EIF3F: variants seen among roughly 807,000 people sequenced by gnomAD.
EIF3F encodes deubiquitinating enzyme eIF3f.
A neutral mutation model predicts 36.0 loss-of-function variants in EIF3F; 8 were observed. The observed-to-expected ratio is 0.22, with a 90% CI of 0.13 to 0.40. The LOEUF (loss-of-function observed/expected upper bound fraction) is 0.40. Ranked by LOEUF, EIF3F falls within the 10% of genes least tolerant of loss-of-function variation. The pLI is 1.00. For synonymous variants in EIF3F, 184 were observed against 188.5 expected, an observed-to-expected ratio of 0.98 and a Z score of 0.19; for missense variants, 430 against 467.6, an observed-to-expected ratio of 0.92 and a Z score of 0.74.
Position 7,994,525 on chromosome 11 carries a change from A to G in EIF3F, c.745+8A>G. Reference sequence around the variant, plus strand: ...ACACTGAACGCATCGGAGGTGAGTAACCTTTCCATACACTCGCGAGAGGCC... The same window carrying G: ...ACACTGAACGCATCGGAGGTGAGTAGCCTTTCCATACACTCGCGAGAGGCC... On this transcript the variant is annotated splice_region_variant and intron_variant, in intron 5 of 7. Coordinates refer to ENST00000651655, the MANE Select transcript of EIF3F (RefSeq NM_003754.3). 1 of 1,611,786 alleles carries G rather than the reference A, an allele frequency of 6.2e-7. No homozygotes were observed.
chr11:7,990,330 C>T (rs542415525), intron 1 of EIF3F, among the ~76,000 whole-genome samples: 2 of 152,282 alleles, frequency 1.3e-5, no homozygotes, highest in African/African-American at 2.4e-5. Context: ...CTATAAAGGT[C>T]CAGACGGTAA....
chr11:7,988,966 A>T (rs778721756), intron 1 of EIF3F, among the ~76,000 whole-genome samples: 17 of 152,176 alleles, frequency 1.1e-4, no homozygotes, highest in Non-Finnish European at 2.5e-4. Flanking sequence ...ATTTTACAGA[A>T]ACTTAAATTC....
Position 7,995,238 on chromosome 11 carries a change from T to C in EIF3F, c.883-16T>C. On this transcript the variant is annotated splice_polypyrimidine_tract_variant and intron_variant, in intron 6 of 7. Transcript: ENST00000651655. Reference sequence around the variant, plus strand: ...TATAATTAACTGCCTCATCGAGTCTTTGTTTTGGTACTCAGTCTGGAAAGG... The same window carrying C: ...TATAATTAACTGCCTCATCGAGTCTCTGTTTTGGTACTCAGTCTGGAAAGG... 1 of 1,612,268 alleles carries C rather than the reference T, an allele frequency of 6.2e-7. No homozygotes were observed. The highest frequency in any genetic ancestry group is 8.5e-7 in the Non-Finnish European group (1 of 1,178,674).
intron 4 of EIF3F, among the ~76,000 whole-genome samples, chr11:7,993,317 A>G (rs180837826): frequency 1.1e-3 from 171 of 152,278 alleles, no homozygotes; most frequent in African/African-American, 3.7e-3. Flanking sequence ...CCTACAGCCA[A>G]TCATCACATG....
chr11:7,992,595 T>A (rs572759792), intron 3 of EIF3F: 1 of 468,486 alleles, frequency 2.1e-6, no homozygotes, highest in Non-Finnish European at 3.9e-6. Context: ...AAAAGGAAAG[T>A]GTGTTACCTG....
chr11:7,990,126 A>G (rs935652995), intron 1 of EIF3F, among the ~76,000 whole-genome samples: 4 of 152,228 alleles, frequency 2.6e-5, no homozygotes, highest in Admixed American at 2.0e-4. Flanking sequence ...ATTAGAAGAA[A>G]ATATCAGGGA....
At chr11:7,993,572 G>C (rs1942124015) in intron 4 of EIF3F, among the ~76,000 whole-genome samples, 1 of 152,182 alleles carries the variant, frequency 6.6e-6, no homozygotes, top group Non-Finnish European at 1.5e-5. Context: ...GAAAGGCCCT[G>C]GTGGCATGCT....
At position 7,994,972 on chromosome 11, in the gene EIF3F, A is replaced by C. The variant is rs776392059; in HGVS notation, c.746-10A>C. The C allele has an allele frequency of 1.5e-4, 234 of 1,611,060 alleles. No individual in the cohort carries two copies. Among genetic ancestry groups the C allele is most frequent in the Non-Finnish European group, 1.8e-4 (217 of 1,178,730 alleles). ...ACTGCCGCTGCCACCCTGCCAACCA[A>C]CTTCCATAGTTGACCTGATCATGAA... On this transcript the variant is annotated splice_polypyrimidine_tract_variant and intron_variant, in intron 5 of 7. Transcript: ENST00000651655.
chr11:7,997,633 G>A lies in EIF3F; in HGVS notation c.*1611G>A, dbSNP rs570730893. The A allele has an allele frequency of 6.6e-6, 1 of 152,278 alleles. No individual in the cohort carries two copies. Among genetic ancestry groups the A allele is most frequent in the South Asian group, 2.1e-4 (1 of 4,824 alleles). The allele number at this position is 152,278 out of a possible 1,614,324, so 9.4% of individuals were successfully genotyped here. A position where few individuals can be genotyped will look rare whatever the true frequency, so the allele number is the denominator to read the frequency against. On this transcript the variant is annotated 3_prime_UTR_variant, in exon 8 of 8. Coordinates refer to ENST00000651655, the MANE Select transcript of EIF3F (RefSeq NM_003754.3). ...ACATCTAAAACAAGGACATAAAGTT[G>A]TCCTGCAGCTGTGAGTAACAATATA...
chr11:7,995,929 A>T lies in EIF3F; in HGVS notation c.997-16A>T. ...CCACCCAACCCCCCACTCATTGTGT[A>T]TTCTTTGTCTTCCAGGACCTTTTGA... is the stretch of plus-strand genomic sequence containing the variant. On this transcript the variant is annotated splice_polypyrimidine_tract_variant and intron_variant, in intron 7 of 7. Coordinates refer to ENST00000651655, the MANE Select transcript of EIF3F (RefSeq NM_003754.3). The T allele has an allele frequency of 6.2e-7, 1 of 1,613,062 alleles. No individual in the cohort carries two copies.
intron 1 of EIF3F, among the ~76,000 whole-genome samples, chr11:7,991,442 T>C (rs1942094054): frequency 6.6e-6 from 1 of 151,878 alleles, no homozygotes; most frequent in Non-Finnish European, 1.5e-5. Flanking sequence ...GCTCTGCAGA[T>C]TAAATTACAG....
chr11:7,993,947 T>G (rs1942130669), intron 4 of EIF3F, among the ~76,000 whole-genome samples: 1 of 150,686 alleles, frequency 6.6e-6, no homozygotes, highest in African/African-American at 2.5e-5. Flanking sequence ...AAAGTATAGA[T>G]CCAGGTATAT....
chr11:7,990,313 A>G (rs1338580106), intron 1 of EIF3F, among the ~76,000 whole-genome samples: 2 of 152,248 alleles, frequency 1.3e-5, no homozygotes, highest in African/African-American at 4.8e-5. Flanking sequence ...AGGGGTTGGC[A>G]AACTTTCTAT....
rs889866597 is a variant in EIF3F, at chr11:7,998,854, T to A, written c.*2832T>A. 3.3e-5 allele frequency: 5 copies of A among 152,152 alleles called. No individual in the cohort carries two copies. Among genetic ancestry groups the A allele is most frequent in the African/African-American group, 1.2e-4 (5 of 41,436 alleles). 9.4% of individuals were successfully genotyped at this position (152,152 alleles called of 1,614,324 possible). A position where few individuals can be genotyped will look rare whatever the true frequency, so the allele number is the denominator to read the frequency against. ...TGGACAGTGGTTTCATCATAGGTAT[T>A]GATTATATTATAAATAGCCCAACCT... On this transcript the variant is annotated 3_prime_UTR_variant, in exon 8 of 8. Transcript: ENST00000651655.
rs748324069 is a variant in EIF3F, at chr11:7,996,028, C to A, written c.*6C>A. 1.9e-6 allele frequency: 3 copies of A among 1,613,648 alleles called. No individual in the cohort carries two copies. The highest frequency in any genetic ancestry group is 2.5e-6 in the Non-Finnish European group (3 of 1,179,586). Reference sequence around the variant, plus strand: ...AAAAACTTGTAAACCTGTGAATGGACCCCAAGCAGTACACTTGCTGGTCTA... The same window carrying A: ...AAAAACTTGTAAACCTGTGAATGGAACCCAAGCAGTACACTTGCTGGTCTA... On this transcript the variant is annotated 3_prime_UTR_variant, in exon 8 of 8. Coordinates refer to ENST00000651655, the MANE Select transcript of EIF3F (RefSeq NM_003754.3).
At chr11:7,987,781 A>T in intron 1 of EIF3F, 65 bp downstream of exon 1, 1 of 1,408,640 alleles carries the variant, frequency 7.1e-7, no homozygotes, top group Non-Finnish European at 9.3e-7. Flanking sequence ...TCACTCCCCT[A>T]ACTCATTAAT....
chr11:7,995,477 G>A (rs1425624522), intron 7 of EIF3F, 110 bp downstream of exon 7: 1 of 912,670 alleles, frequency 1.1e-6, no homozygotes, highest in East Asian at 2.4e-5. Context: ...GATAGAGACA[G>A]GGCTTCACCT....
rs552653507 is a variant in EIF3F at position 7,997,682 on chromosome 11, A to G, written c.*1660A>G. The G allele has an allele frequency of 3.9e-5, 6 of 152,298 alleles. No homozygotes were observed. In the East Asian group the frequency reaches 7.7e-4, roughly 20 times the overall value. The allele number at this position is 152,298 out of a possible 1,614,324, so 9.4% of individuals were successfully genotyped here. A position where few individuals can be genotyped will look rare whatever the true frequency, so the allele number is the denominator to read the frequency against. On this transcript the variant is annotated 3_prime_UTR_variant, in exon 8 of 8. Coordinates refer to ENST00000651655, the MANE Select transcript of EIF3F (RefSeq NM_003754.3). ...TAGGTGAATGTTAATAATAATGTTG[A>G]ATGAAAAAAGCTGGTGTCAGAAGAC... is the stretch of plus-strand genomic sequence containing the variant.
chr11:7,992,653 G>C, intron 3 of EIF3F: 2 of 555,624 alleles, frequency 3.6e-6, no homozygotes, highest in Non-Finnish European at 3.2e-6. Context: ...TGATCCTGTG[G>C]GGCCAGGATA....
Sources: allele counts gnomAD v4.1 joint callset (sites outside exome capture counted in the v4.1 genomes callset), GRCh38; gene constraint gnomAD v4.1.1; transcripts MANE v1.5; gene names NCBI Gene and HGNC (gene_info 2026-07-23, HGNC 2026-07-21).